LINGO2: variants seen among roughly 807,000 people sequenced by gnomAD.
LINGO2 encodes leucine rich repeat and Ig domain containing 2.
A neutral mutation model predicts 30.6 loss-of-function variants in LINGO2; 14 were observed. That is an observed-to-expected ratio of 0.46 (90% CI 0.30 to 0.72). The LOEUF is 0.72. LINGO2 is among the 30% of genes least tolerant of loss of function. The pLI, the probability that LINGO2 is intolerant of heterozygous loss-of-function variation, is 0.07. For missense variants in LINGO2, 729 were observed against 751.7 expected, an observed-to-expected ratio of 0.97 and a Z score of 0.35; for synonymous variants, 317 against 288.5, an observed-to-expected ratio of 1.10 and a Z score of -1.00.
At chr9:28,899,277 C>G in the LINGO2 span, among the ~76,000 whole-genome samples, 1 of 152,168 alleles carries the variant, frequency 6.6e-6, no homozygotes, top group Non-Finnish European at 1.5e-5. Context: ...CCAGACTGAG[C>G]CTTGAGACCA....
the LINGO2 span, among the ~76,000 whole-genome samples, chr9:28,705,144 T>G: frequency 6.6e-6 from 1 of 151,968 alleles, no homozygotes; most frequent in Non-Finnish European, 1.5e-5. Context: ...CTCGAACTCT[T>G]GAGCTCAAGC....
intron 2 of LINGO2, among the ~76,000 whole-genome samples, chr9:28,463,480 T>C (rs920472766): frequency 6.6e-6 from 1 of 152,070 alleles, no homozygotes; most frequent in Non-Finnish European, 1.5e-5. Flanking sequence ...GGATTATAGG[T>C]ATACTAGGAC....
intron 1 of LINGO2, among the ~76,000 whole-genome samples, chr9:28,627,292 T>C (rs980085241): frequency 6.6e-6 from 1 of 152,072 alleles, no homozygotes. Context: ...AGTGATTATG[T>C]ACCTTACAGC....
chr9:28,045,817 C>T (rs1469596508), intron 4 of LINGO2, among the ~76,000 whole-genome samples: 3 of 152,090 alleles, frequency 2.0e-5, no homozygotes, highest in African/African-American at 7.2e-5. Context: ...TATGGGTAAG[C>T]GGCAAGGGAA....
intron 2 of LINGO2, among the ~76,000 whole-genome samples, chr9:28,409,735 A>G (rs1822671750): frequency 6.6e-6 from 1 of 151,534 alleles, no homozygotes; most frequent in African/African-American, 2.4e-5. Flanking sequence ...TGGTGCAGTT[A>G]CTCTTCTCCT....
intron 3 of LINGO2, among the ~76,000 whole-genome samples, chr9:28,304,938 T>C (rs1188869917): frequency 6.6e-6 from 1 of 152,038 alleles, no homozygotes; most frequent in African/African-American, 2.4e-5. Flanking sequence ...TATCAGTTAT[T>C]TTAGAAAATA....
chr9:28,313,977 A>C (rs1045150959), intron 3 of LINGO2, among the ~76,000 whole-genome samples: 2 of 152,002 alleles, frequency 1.3e-5, no homozygotes, highest in Non-Finnish European at 2.9e-5. Flanking sequence ...TCTTTCACCC[A>C]GGCTGGAGTG....
the LINGO2 span, among the ~76,000 whole-genome samples, chr9:29,078,806 T>C: frequency 6.6e-6 from 1 of 152,000 alleles, no homozygotes; most frequent in African/African-American, 2.4e-5. Context: ...TGTCCCATTA[T>C]CTTAAAGAAT....
chr9:29,033,325 G>C, the LINGO2 span, among the ~76,000 whole-genome samples: 2 of 149,176 alleles, frequency 1.3e-5, no homozygotes, highest in African/African-American at 2.5e-5. Flanking sequence ...CATAGGAAAA[G>C]TTTCTGGTTT....
At chr9:28,641,824 G>T (rs1338434048) in intron 1 of LINGO2, among the ~76,000 whole-genome samples, 3 of 152,264 alleles carry the variant, frequency 2.0e-5, no homozygotes, top group Admixed American at 1.3e-4. Flanking sequence ...AAGCAAGTGT[G>T]ATTTTTACCA....
chr9:28,357,315 GCC>G (rs747187754), intron 3 of LINGO2, among the ~76,000 whole-genome samples: 7 of 66,084 alleles, frequency 1.1e-4, no homozygotes, highest in East Asian at 4.1e-4. Flanking sequence ...CAGAAATAAA[GCC>G]CACCCCCCCC....
At chr9:28,883,628 G>GTATATATATA in the LINGO2 span, among the ~76,000 whole-genome samples, 49 of 64,112 alleles carry the variant, frequency 7.6e-4, no homozygotes, top group South Asian at 3.8e-3. Flanking sequence ...ATGTGTGTGT[G>GTATATATATA]TATATATATA....
chr9:28,233,057 T>TAC (rs1274893412), intron 4 of LINGO2, among the ~76,000 whole-genome samples: 38 of 125,392 alleles, frequency 3.0e-4, no homozygotes, highest in East Asian at 2.6e-3. Flanking sequence ...TATATATATA[T>TAC]ATATTAGATA....
chr9:28,301,146 C>T (rs961337381), intron 3 of LINGO2, among the ~76,000 whole-genome samples: 2 of 152,016 alleles, frequency 1.3e-5, no homozygotes, highest in Non-Finnish European at 2.9e-5. Context: ...CAGAGAGCCA[C>T]AAATGGTGAG....
the LINGO2 span, among the ~76,000 whole-genome samples, chr9:28,746,160 C>A: frequency 6.6e-6 from 1 of 151,892 alleles, no homozygotes; most frequent in South Asian, 2.1e-4. Flanking sequence ...ATTATACTCA[C>A]CTCTAAAAAT....
chr9:28,560,081 G>GAAAAAA (rs57723247), intron 1 of LINGO2, among the ~76,000 whole-genome samples: 1 of 123,484 alleles, frequency 8.1e-6, no homozygotes, highest in Non-Finnish European at 1.8e-5. Context: ...TATTTAGGAG[G>GAAAAAA]AAAAAAAAAA....
intron 2 of LINGO2, among the ~76,000 whole-genome samples, chr9:28,403,529 G>C (rs1211442150): frequency 6.6e-6 from 1 of 152,122 alleles, no homozygotes; most frequent in Non-Finnish European, 1.5e-5. Context: ...CAGTAATTAT[G>C]ATTGTTGTCT....
chr9:28,281,892 A>G (rs528360311), intron 4 of LINGO2, among the ~76,000 whole-genome samples: 9 of 152,126 alleles, frequency 5.9e-5, no homozygotes, highest in Non-Finnish European at 1.3e-4. Context: ...GCATGTGGAA[A>G]TGCTTGCTTG....
chr9:28,012,560 G>A (rs1822612355), intron 4 of LINGO2, among the ~76,000 whole-genome samples: 1 of 152,060 alleles, frequency 6.6e-6, no homozygotes, highest in Admixed American at 6.6e-5. Flanking sequence ...GACGTAGCCT[G>A]ACTTTTTGTT....
Sources: allele counts gnomAD v4.1 joint callset (sites outside exome capture counted in the v4.1 genomes callset), GRCh38; gene constraint gnomAD v4.1.1; transcripts MANE v1.5; gene names NCBI Gene and HGNC (gene_info 2026-07-23, HGNC 2026-07-21).